Variants in ADGB observed in about 807,000 individuals in gnomAD.
The protein encoded by ADGB is calpain-7-like protein.
Under a neutral mutation model 210.5 loss-of-function variants are expected in ADGB, and 172 were observed. That is an observed-to-expected ratio of 0.82 (90% confidence interval 0.72 to 0.93). The LOEUF is 0.93. Among genes scored for constraint, ADGB ranks in the 40% least tolerant of loss-of-function variants. The pLI is 0.00. For synonymous variants in ADGB, 658 were observed against 662.7 expected, an observed-to-expected ratio of 0.99 and a Z score of 0.11; for missense variants, 2,025 against 1,964.8, an observed-to-expected ratio of 1.03 and a Z score of -0.58.
intron 29 of ADGB, among the ~76,000 whole-genome samples, chr6:146,772,404 AAT>A (rs944360147): frequency 7.3e-6 from 1 of 136,490 alleles, no homozygotes; most frequent in African/African-American, 2.5e-5. Flanking sequence ...AATTTAGTTA[AAT>A]ATATATATTA....
At chr6:146,701,806 A>G (rs539660962) in intron 13 of ADGB, among the ~76,000 whole-genome samples, 2 of 152,154 alleles carry the variant, frequency 1.3e-5, no homozygotes, top group South Asian at 4.1e-4. Flanking sequence ...CATAGTTGCT[A>G]TAGTTACCTA....
At chr6:146,602,730 G>A (rs1470600280) in intron 1 of ADGB, among the ~76,000 whole-genome samples, 3 of 152,204 alleles carry the variant, frequency 2.0e-5, no homozygotes, top group Admixed American at 6.5e-5. Flanking sequence ...TGTGCAGCAG[G>A]AGGTGAGAGG....
intron 35 of ADGB, among the ~76,000 whole-genome samples, chr6:146,806,729 C>A (rs1428646811): frequency 3.3e-5 from 5 of 152,166 alleles, no homozygotes; most frequent in African/African-American, 1.2e-4. Context: ...ATTCATTTGG[C>A]CACTTCCCTT....
intron 13 of ADGB, among the ~76,000 whole-genome samples, chr6:146,701,558 C>T (rs941936407): frequency 3.4e-4 from 51 of 152,044 alleles, no homozygotes; most frequent in African/African-American, 1.0e-3. Context: ...TTGTAAGCAA[C>T]GGTACCATGA....
At chr6:146,627,486 C>T (rs1471699881) in intron 1 of ADGB, among the ~76,000 whole-genome samples, 1 of 151,998 alleles carries the variant, frequency 6.6e-6, no homozygotes, top group Non-Finnish European at 1.5e-5. Context: ...TACGTGGAAC[C>T]AGAGCCATGT....
chr6:146,768,320 G>T (rs934560586), intron 28 of ADGB, among the ~76,000 whole-genome samples: 1 of 152,144 alleles, frequency 6.6e-6, no homozygotes, highest in African/African-American at 2.4e-5. Context: ...AGAGCAAAGT[G>T]TGTCTTAGTA....
chr6:146,724,036 T>G, intron 17 of ADGB, 150 bp from the exon 18 acceptor site: 1 of 639,106 alleles, frequency 1.6e-6, no homozygotes, highest in Non-Finnish European at 2.5e-6. Flanking sequence ...TTACCTGGAG[T>G]AATTTCTAAT....
chr6:146,613,403 C>T (rs546052396), intron 1 of ADGB, among the ~76,000 whole-genome samples: 26 of 152,218 alleles, frequency 1.7e-4, no homozygotes, highest in Non-Finnish European at 3.5e-4. Context: ...ATTCTGATTC[C>T]GTGAGGGTAT....
intron 27 of ADGB, among the ~76,000 whole-genome samples, chr6:146,755,247 CTG>C (rs754130700): frequency 3.3e-5 from 5 of 152,104 alleles, no homozygotes; most frequent in Middle Eastern, 3.4e-3. Flanking sequence ...CATGTTTTTG[CTG>C]TGAGTCTTTC....
chr6:146,603,164 C>G (rs901005345), intron 1 of ADGB, among the ~76,000 whole-genome samples: 1 of 152,124 alleles, frequency 6.6e-6, no homozygotes, highest in African/African-American at 2.4e-5. Context: ...AGAGGAGACA[C>G]AGATATGCAA....
intron 5 of ADGB, among the ~76,000 whole-genome samples, chr6:146,657,183 G>A (rs1366124317): frequency 6.6e-6 from 1 of 152,022 alleles, no homozygotes; most frequent in Non-Finnish European, 1.5e-5. Context: ...AAAATTAGCT[G>A]GGTACGGTGG....
At chr6:146,693,934 G>T (rs1446304051) in intron 12 of ADGB, among the ~76,000 whole-genome samples, 1 of 151,988 alleles carries the variant, frequency 6.6e-6, no homozygotes, top group Non-Finnish European at 1.5e-5. Context: ...CATCAAAATG[G>T]CCTTTACTAT....
intron 8 of ADGB, 140 bp downstream of exon 8, chr6:146,672,607 A>G (rs9403803): frequency 0.22 from 221,521 of 988,408 alleles, 27,179 homozygotes; most frequent in African/African-American, 0.39. Context: ...ACAGTAGGGA[A>G]TTCAAGGCAG....
chr6:146,738,969 C>T (rs554013683), intron 23 of ADGB, among the ~76,000 whole-genome samples: 2 of 152,314 alleles, frequency 1.3e-5, no homozygotes, highest in Admixed American at 1.3e-4. Flanking sequence ...TAAATTGAAA[C>T]TAATTCTTAA....
chr6:146,724,210 TA>T lies in ADGB; in HGVS notation c.2121del (p.Ile707MetfsTer16). 2.6e-6 allele frequency: 4 copies of T among 1,550,170 alleles called. No homozygotes were observed. The South Asian group carries it at 4.8e-5, about 19-fold the overall frequency. On this transcript the variant is annotated frameshift_variant, in exon 18 of 36. Transcript: ENST00000397944. LOFTEE classifies it high-confidence loss of function. ...YGALTKDSPP[I>X]EPGLLTAETF... ...GCCTTAACAAAAGACAGTCCTCCCA[TA>T]GAGCCTGGACTTCTCACAGCTGAAA...
chr6:146,717,001 T>G lies in ADGB; in HGVS notation c.1860T>G (p.Leu620=), dbSNP rs1484600533. 7 of 1,551,510 alleles carry G rather than the reference T, an allele frequency of 4.5e-6. No individual in the cohort carries two copies. The East Asian group carries it at 1.2e-4, about 27-fold the overall frequency. The part of the protein sequence containing the change: ...TATQEKSQEE[L]PTTNNSVSKE... Reference sequence around the variant, plus strand: ...CACAGGAAAAGTCACAGGAAGAACTTCCAACAACAAATAATAGTGTTTCTA... The same window carrying G: ...CACAGGAAAAGTCACAGGAAGAACTGCCAACAACAAATAATAGTGTTTCTA... Residue 620 remains leucine, a synonymous_variant, in exon 15 of 36, where the codon CTT becomes CTG. Coordinates refer to ENST00000397944, the MANE Select transcript of ADGB (RefSeq NM_024694.4).
chr6:146,691,459 A>ATT (rs1776319302), intron 11 of ADGB, among the ~76,000 whole-genome samples, 169 bp downstream of exon 11: 1 of 44,724 alleles, frequency 2.2e-5, no homozygotes, highest in Admixed American at 4.2e-4. Flanking sequence ...TATATATATA[A>ATT]AAATATATAT....
At chr6:146,632,829 CTT>C (rs756735094) in intron 1 of ADGB, among the ~76,000 whole-genome samples, 1 of 152,214 alleles carries the variant, frequency 6.6e-6, no homozygotes, top group Non-Finnish European at 1.5e-5. Flanking sequence ...TAGTTGGAGG[CTT>C]TGAAGACACT....
At chr6:146,649,594 G>C (rs1228693851) in intron 3 of ADGB, among the ~76,000 whole-genome samples, 1 of 151,364 alleles carries the variant, frequency 6.6e-6, no homozygotes, top group Non-Finnish European at 1.5e-5. Context: ...GGGCTCAGGT[G>C]GTCCTTCCAC....
Sources: allele counts gnomAD v4.1 joint callset (sites outside exome capture counted in the v4.1 genomes callset), GRCh38; gene constraint gnomAD v4.1.1; transcripts MANE v1.5; gene names NCBI Gene and HGNC (gene_info 2026-07-23, HGNC 2026-07-21).